The following TENM3 variants were observed in gnomAD, a reference collection of about 807,000 sequenced individuals.
TENM3 encodes teneurin transmembrane protein 3.
TENM3 carries 63 observed loss-of-function variants against 255.1 expected under a neutral mutation model. That is an observed-to-expected ratio of 0.25 (90% CI 0.20 to 0.30). The LOEUF (loss-of-function observed/expected upper bound fraction) is 0.30. TENM3 is among the 10% of genes least tolerant of loss of function. TENM3 has a pLI of 1.00. For synonymous variants in TENM3, 1,306 were observed against 1,322.3 expected (o/e 0.99, Z 0.27); for missense variants, 2,929 against 3,461.1 (o/e 0.85, Z 3.86).
At chr4:182,123,492 A>G in the TENM3 span, among the ~76,000 whole-genome samples, 1 of 152,184 alleles carries the variant, frequency 6.6e-6, no homozygotes, top group Non-Finnish European at 1.5e-5. Context: ...TAAAGACAAT[A>G]TTCTTGTCTC....
At chr4:182,745,540 T>C (rs991550100) in intron 19 of TENM3, among the ~76,000 whole-genome samples, 4 of 151,722 alleles carry the variant, frequency 2.6e-5, no homozygotes, top group Non-Finnish European at 5.9e-5. Flanking sequence ...ATATTTTATA[T>C]CTGTTATTGC....
intron 13 of TENM3, among the ~76,000 whole-genome samples, chr4:182,715,212 C>G (rs1156416172): frequency 6.6e-6 from 1 of 152,160 alleles, no homozygotes. Context: ...AGCTTTAGCG[C>G]TGCATTTTTA....
chr4:182,176,473 T>A (rs979799347), intron 1 of TENM3, among the ~76,000 whole-genome samples: 3 of 152,300 alleles, frequency 2.0e-5, no homozygotes, highest in African/African-American at 7.2e-5. Context: ...TCAAGATGTG[T>A]TCATTATTAT....
rs528340306 is a variant in TENM3 at position 182,590,868 on chromosome 4, A to C, written c.512-10056A>C. Among the ~76,000 whole-genome samples, 21 of 152,178 alleles carry C rather than the reference A, an allele frequency of 1.4e-4. No individual in the cohort carries two copies. In the East Asian group the frequency reaches 2.9e-3, roughly 21 times the overall value. ...GTCTCAAAAGAAAAAAAAAAACAAAAAACCAGAAAAAAGAAAAAGATTACA... is the reference window on the plus strand; with the variant it reads ...GTCTCAAAAGAAAAAAAAAAACAAACAACCAGAAAAAAGAAAAAGATTACA... On this transcript the variant is annotated intron_variant, in intron 3 of 27. Transcript: ENST00000511685.
At chr4:182,153,556 T>A (rs1750488001) in intron 1 of TENM3, among the ~76,000 whole-genome samples, 1 of 152,144 alleles carries the variant, frequency 6.6e-6, no homozygotes, top group Non-Finnish European at 1.5e-5. Context: ...TTCTGAAAGT[T>A]TTCTATAAAA....
chr4:181,654,848 G>C, the TENM3 span, among the ~76,000 whole-genome samples: 2 of 151,500 alleles, frequency 1.3e-5, no homozygotes, highest in Non-Finnish European at 2.9e-5. Context: ...ACTCTGAGTA[G>C]TTGGGGCTCA....
chr4:181,960,236 A>G, the TENM3 span, among the ~76,000 whole-genome samples: 7 of 152,208 alleles, frequency 4.6e-5, no homozygotes, highest in African/African-American at 1.7e-4. Flanking sequence ...TGTCAAAAAG[A>G]ACAAATTTCC....
At chr4:182,412,912 A>G (rs1770097896) in intron 3 of TENM3, among the ~76,000 whole-genome samples, 1 of 151,856 alleles carries the variant, frequency 6.6e-6, no homozygotes, top group African/African-American at 2.4e-5. Flanking sequence ...TGAAACAAAT[A>G]CAGAATATAT....
chr4:182,373,716 A>G (rs1766996638), intron 3 of TENM3, among the ~76,000 whole-genome samples: 1 of 152,146 alleles, frequency 6.6e-6, no homozygotes, highest in African/African-American at 2.4e-5. Flanking sequence ...TATCCGAACT[A>G]TATCAGCCTC....
the TENM3 span, among the ~76,000 whole-genome samples, chr4:181,653,487 G>A: frequency 3.3e-5 from 5 of 152,196 alleles, no homozygotes; most frequent in African/African-American, 1.2e-4. Flanking sequence ...TCGGCTCACT[G>A]CAACTTCCAC....
intron 1 of TENM3, among the ~76,000 whole-genome samples, chr4:182,211,459 A>G (rs1455313162): frequency 6.6e-6 from 1 of 152,308 alleles, no homozygotes; most frequent in East Asian, 1.9e-4. Flanking sequence ...TTGCTTAATT[A>G]TGTACAGAAA....
intron 1 of TENM3, among the ~76,000 whole-genome samples, chr4:182,264,998 G>A (rs552615825): frequency 1.9e-4 from 28 of 150,754 alleles, no homozygotes; most frequent in African/African-American, 6.6e-4. Flanking sequence ...TAATGCACAC[G>A]AGAGGCCCTA....
chr4:182,320,213 T>G (rs964133759), intron 1 of TENM3, among the ~76,000 whole-genome samples: 86 of 152,358 alleles, frequency 5.6e-4, no homozygotes, highest in Non-Finnish European at 1.0e-3. Flanking sequence ...GTTTAGACTT[T>G]GCAGGCCATC....
the TENM3 span, among the ~76,000 whole-genome samples, chr4:181,781,247 T>C: frequency 6.6e-6 from 1 of 152,176 alleles, no homozygotes; most frequent in Non-Finnish European, 1.5e-5. Context: ...ATTCTTCCTA[T>C]CCGTGAGCAT....
intron 3 of TENM3, among the ~76,000 whole-genome samples, chr4:182,506,391 GAGT>G (rs1037151086): frequency 1.1e-4 from 17 of 152,250 alleles, no homozygotes; most frequent in African/African-American, 4.1e-4. Flanking sequence ...TGTAAAATGG[GAGT>G]AGTAACATTT....
intron 4 of TENM3, among the ~76,000 whole-genome samples, chr4:182,620,127 G>T (rs1346524677): frequency 6.6e-6 from 1 of 152,056 alleles, no homozygotes; most frequent in African/African-American, 2.4e-5. Context: ...TGTATGACTC[G>T]GCAGAGTCAC....
chr4:182,614,803 A>G (rs982780139), intron 4 of TENM3, among the ~76,000 whole-genome samples: 2 of 144,388 alleles, frequency 1.4e-5, no homozygotes, highest in African/African-American at 2.4e-5. Flanking sequence ...TGAGAATTCA[A>G]TGTGGAGTAT....
chr4:182,293,074 A>T (rs1042972142), intron 1 of TENM3, among the ~76,000 whole-genome samples: 7 of 152,146 alleles, frequency 4.6e-5, no homozygotes, highest in African/African-American at 1.7e-4. Context: ...GCCTCACTAC[A>T]TTGTCTCCCA....
At position 182,802,653 on chromosome 4, in the gene TENM3, T is replaced by C. The variant is rs1202196475; in HGVS notation, c.*2302T>C. 6.6e-6 allele frequency: 1 copy of C among 152,616 alleles called. No homozygotes were observed. The highest frequency in any genetic ancestry group is 1.5e-5 in the Non-Finnish European group (1 of 68,036). 9.5% of individuals were successfully genotyped at this position (152,616 alleles called of 1,614,324 possible). A position where few individuals can be genotyped will look rare whatever the true frequency, so the allele number is the denominator to read the frequency against. On this transcript the variant is annotated 3_prime_UTR_variant, in exon 28 of 28. Transcript: ENST00000511685. ...GCTTATTTTAGATGATGAAGTCAAATCAACCCAATTAGTGTCCTGTTAGTA... is the reference window on the plus strand; with the variant it reads ...GCTTATTTTAGATGATGAAGTCAAACCAACCCAATTAGTGTCCTGTTAGTA...
Sources: allele counts gnomAD v4.1 joint callset (sites outside exome capture counted in the v4.1 genomes callset), GRCh38; gene constraint gnomAD v4.1.1; transcripts MANE v1.5; gene names NCBI Gene and HGNC (gene_info 2026-07-23, HGNC 2026-07-21).